Variants in TTL observed in about 807,000 individuals in gnomAD.
TTL encodes the protein tubulin--tyrosine ligase.
Under a neutral mutation model 41.1 loss-of-function variants are expected in TTL, and 10 were observed. The observed-to-expected ratio is 0.24, with a 90% CI of 0.15 to 0.41. TTL has a LOEUF of 0.41. Ranked by LOEUF, TTL falls within the 10% of genes least tolerant of loss-of-function variation. The pLI is 1.00. For missense variants in TTL, 367 were observed against 460.4 expected, an observed-to-expected ratio of 0.80 and a Z score of 1.86; for synonymous variants, 175 against 175.5, an observed-to-expected ratio of 1.00 and a Z score of 0.02.
In TTL at chr2:112,482,421, A is replaced by T; in HGVS notation, c.77A>T (p.His26Leu). Residue 26 changes from histidine (H) to leucine (L), a missense_variant, in exon 1 of 7, where the codon CAC becomes CTC. Transcript: ENST00000233336. This position sits in a 1 kb window ranked among gnomAD's most constrained non-coding sequence, Gnocchi z 5.3. ...TCCCGGCTGCTCCTCGCCACCGGCCACTGGAAGAGGCTGCGGCGAGACAAC... is the reference window on the plus strand; with the variant it reads ...TCCCGGCTGCTCCTCGCCACCGGCCTCTGGAAGAGGCTGCGGCGAGACAAC... ...EVSRLLLATGHWKRLRRDNPR... is the reference protein window; with the variant it reads ...EVSRLLLATGLWKRLRRDNPR... The T allele has an allele frequency of 6.2e-7, 1 of 1,609,798 alleles. No individual in the cohort carries two copies. Among genetic ancestry groups the T allele is most frequent in the South Asian group, 1.1e-5 (1 of 90,172 alleles).
In TTL at chr2:112,502,926, T is replaced by G. The variant is rs1681740716; in HGVS notation, c.620T>G (p.Val207Gly). 6.2e-7 allele frequency: 1 copy of G among 1,606,802 alleles called. No individual in the cohort carries two copies. The highest frequency in any genetic ancestry group is 1.3e-5 in the African/African-American group (1 of 74,688). ...RKFDIRSWVL[V>G]DHQYNIYLYR... is the part of the protein sequence containing the mutation. ...TTGAATTGCAGAAGCTGGGTCTTGG[T>G]GGATCATCAGTATAATATCTACCTC... The change falls in exon 5 of 7, where the codon GTG becomes GGG. Residue 207 changes from valine to glycine, a missense_variant. Physicochemically the swap from Val to Gly is moderately radical, Grantham distance 109. Coordinates refer to ENST00000233336, the MANE Select transcript of TTL (RefSeq NM_153712.5).
chr2:112,500,001 T>C (rs1174377680), intron 3 of TTL, among the ~76,000 whole-genome samples: 8 of 152,210 alleles, frequency 5.3e-5, no homozygotes, highest in Non-Finnish European at 8.8e-5. Context: ...AATTGATGAC[T>C]AAATGAACAA....
In TTL at chr2:112,534,013, C is replaced by G. The variant is rs1039638997; in HGVS notation, c.*5218C>G. 6.6e-6 allele frequency: 1 copy of G among 152,166 alleles called. No individual in the cohort carries two copies. Among genetic ancestry groups the G allele is most frequent in the African/African-American group, 2.4e-5 (1 of 41,426 alleles). 9.4% of individuals were successfully genotyped at this position (152,166 alleles called of 1,614,324 possible). The stretch of plus-strand genomic sequence containing the variant: ...GCAATGAGAACACTAGCAAAACTGT[C>G]TAGACATTAACCAGAGGCTTGCAGC... On this transcript the variant is annotated 3_prime_UTR_variant, in exon 7 of 7. Transcript: ENST00000233336.
intron 2 of TTL, among the ~76,000 whole-genome samples, chr2:112,486,649 G>A (rs1681247344): frequency 6.6e-6 from 1 of 152,166 alleles, no homozygotes; most frequent in Admixed American, 6.5e-5. Flanking sequence ...AGGAGACGGT[G>A]TTAGACAACG....
chr2:112,507,644 C>T (rs1219866322), intron 5 of TTL, among the ~76,000 whole-genome samples: 1 of 141,126 alleles, frequency 7.1e-6, no homozygotes, highest in Non-Finnish European at 1.5e-5. Context: ...GCAGCCCCTG[C>T]CTTTTTTTGT....
In TTL at chr2:112,529,364, CAG is replaced by C. The variant is rs1402018385; in HGVS notation, c.*570_*571del. ...TGATGGTGTTTGGTCAGTCACCTGT[CAG>C]GGTTTGTGCGGGTTGGGCCCCAAAA... On this transcript the variant is annotated 3_prime_UTR_variant, in exon 7 of 7. Coordinates refer to ENST00000233336, the MANE Select transcript of TTL (RefSeq NM_153712.5). The C allele has an allele frequency of 8.7e-6, 2 of 230,702 alleles. No homozygotes were observed. The highest frequency in any genetic ancestry group is 1.7e-5 in the Non-Finnish European group (2 of 116,288). The allele number at this position is 230,702 out of a possible 1,614,324, so 14.3% of individuals were successfully genotyped here.
At position 112,535,352 on chromosome 2, in the gene TTL, A is replaced by T. The variant is rs1682579879; in HGVS notation, c.*6557A>T. The T allele has an allele frequency of 6.6e-6, 1 of 152,080 alleles. No individual in the cohort carries two copies. The highest frequency in any genetic ancestry group is 6.6e-5 in the Admixed American group (1 of 15,246). The allele number at this position is 152,080 out of a possible 1,614,324, so 9.4% of individuals were successfully genotyped here. A position where few individuals can be genotyped will look rare whatever the true frequency, so the allele number is the denominator to read the frequency against. On this transcript the variant is annotated 3_prime_UTR_variant, in exon 7 of 7. Transcript: ENST00000233336. ...AACATACACATAATAGGAGTCCTAG[A>T]ATAGATAAGTGAGAGAGAGGGAAGG...
chr2:112,540,906 C>T lies in TTL; in HGVS notation c.*12111C>T, dbSNP rs1682713113. On this transcript the variant is annotated 3_prime_UTR_variant, in exon 7 of 7. Coordinates refer to ENST00000233336, the MANE Select transcript of TTL (RefSeq NM_153712.5). ...TTAGTAGAAAATATAGGTGAAAATCCCCATGATTGAAAAATATCTAGTATT... is the reference window on the plus strand; with the variant it reads ...TTAGTAGAAAATATAGGTGAAAATCTCCATGATTGAAAAATATCTAGTATT... The T allele has an allele frequency of 6.6e-6, 1 of 151,964 alleles. No individual in the cohort carries two copies. The highest frequency in any genetic ancestry group is 2.4e-5 in the African/African-American group (1 of 41,344). The allele number at this position is 151,964 out of a possible 1,614,324, so 9.4% of individuals were successfully genotyped here.
chr2:112,522,100 C>G (rs1020704686), intron 6 of TTL: 23 of 152,416 alleles, frequency 1.5e-4, no homozygotes, highest in Non-Finnish European at 4.4e-5. Flanking sequence ...CTCTCTGATG[C>G]ATAATTCTTG....
chr2:112,488,392 C>T (rs954633880), intron 2 of TTL, among the ~76,000 whole-genome samples: 9 of 152,214 alleles, frequency 5.9e-5, no homozygotes, highest in Non-Finnish European at 1.2e-4. Context: ...CCAGCACTGT[C>T]CAACAGAAAT....
At chr2:112,509,901 TG>T (rs1210215173) in intron 5 of TTL, among the ~76,000 whole-genome samples, 2 of 152,244 alleles carry the variant, frequency 1.3e-5, no homozygotes, top group Non-Finnish European at 2.9e-5. Flanking sequence ...CCCAAAGTGC[TG>T]GGATTACAGG....
intron 5 of TTL, among the ~76,000 whole-genome samples, chr2:112,516,967 G>T (rs1002283266): frequency 6.6e-6 from 1 of 151,870 alleles, no homozygotes; most frequent in Admixed American, 6.6e-5. Flanking sequence ...CATCCTTTCC[G>T]CATTGTTCAT....
chr2:112,513,879 G>T (rs144409280), intron 5 of TTL, among the ~76,000 whole-genome samples: 2 of 152,168 alleles, frequency 1.3e-5, no homozygotes, highest in East Asian at 3.9e-4. Flanking sequence ...AGGCAGAAGG[G>T]ACACAGGGAA....
In TTL at chr2:112,528,744, C is replaced by G; in HGVS notation, c.1083C>G (p.Pro361=). The change falls in exon 7 of 7, where the codon CCC becomes CCG. Residue 361 remains proline, a synonymous_variant. Coordinates refer to ENST00000233336, the MANE Select transcript of TTL (RefSeq NM_153712.5). ...TAGCCATTTCCAGTGTCTTCCCACC[C>G]CCAGATGTGGAGCAACCTCAGACCC... The part of the protein sequence containing the change: ...VDIAISSVFP[P]PDVEQPQTQP... The G allele has an allele frequency of 1.2e-6, 2 of 1,614,130 alleles. No homozygotes were observed. The highest frequency in any genetic ancestry group is 1.7e-6 in the Non-Finnish European group (2 of 1,180,026).
In TTL at chr2:112,482,417, G is replaced by T; in HGVS notation, c.73G>T (p.Gly25Cys). ...GGTCTCCCGGCTGCTCCTCGCCACC[G>T]GCCACTGGAAGAGGCTGCGGCGAGA... ...AEVSRLLLAT[G>C]HWKRLRRDNP... The change falls in exon 1 of 7, where the codon GGC (glycine) becomes TGC (cysteine). Residue 25 changes from glycine (G) to cysteine (C), a missense_variant. Gly to Cys is a radical substitution (Grantham distance 159). Coordinates refer to ENST00000233336, the MANE Select transcript of TTL (RefSeq NM_153712.5). This position sits in a 1 kb window ranked among gnomAD's most constrained non-coding sequence, Gnocchi z 5.3. The T allele has an allele frequency of 3.1e-6, 5 of 1,608,782 alleles. No individual in the cohort carries two copies. The highest frequency in any genetic ancestry group is 4.2e-6 in the Non-Finnish European group (5 of 1,178,172).
intron 6 of TTL, 119 bp from the exon 7 acceptor site, chr2:112,528,562 C>T (rs1682422376): frequency 2.6e-6 from 2 of 761,440 alleles, no homozygotes; most frequent in East Asian, 2.7e-5. Context: ...CATGATCGCA[C>T]CACTGCATGC....
chr2:112,488,651 G>A (rs191760337), intron 2 of TTL, among the ~76,000 whole-genome samples: 310 of 152,040 alleles, frequency 2.0e-3, no homozygotes, highest in African/African-American at 7.1e-3. Flanking sequence ...CCAGCTGCTC[G>A]GGAGGCTGAG....
chr2:112,489,191 A>G (rs1314645541), intron 2 of TTL, among the ~76,000 whole-genome samples: 2 of 152,222 alleles, frequency 1.3e-5, no homozygotes, highest in Non-Finnish European at 2.9e-5. Flanking sequence ...AAGCTATTAT[A>G]TTTTACGTTC....
At chr2:112,483,664 TAGAC>T (rs1165084212) in intron 1 of TTL, 1 of 152,244 alleles carries the variant, frequency 6.6e-6, no homozygotes, top group African/African-American at 2.4e-5. Flanking sequence ...TGAGCTTCCA[TAGAC>T]AGAGCCTTTG....
Sources: allele counts gnomAD v4.1 joint callset (sites outside exome capture counted in the v4.1 genomes callset), GRCh38; gene constraint gnomAD v4.1.1; non-coding constraint Gnocchi (gnomAD v3.1); transcripts MANE v1.5; gene names NCBI Gene and HGNC (gene_info 2026-07-23, HGNC 2026-07-21).